Variants in CFAP54 observed in about 807,000 individuals in gnomAD.
CFAP54 encodes cilia and flagella associated protein 54.
In CFAP54, 290 loss-of-function variants were observed where a neutral mutation model predicts 370.4. That is an observed-to-expected ratio of 0.78 (90% CI 0.71 to 0.86). The LOEUF is 0.86. Among genes scored for constraint, CFAP54 ranks in the 40% least tolerant of loss-of-function variants. The probability of loss-of-function intolerance (pLI) is 0.00; values close to 1 mark genes in which losing one functional copy is unlikely to be tolerated. For missense variants in CFAP54, 3,399 were observed against 3,528.7 expected (o/e 0.96, Z 0.93); for synonymous variants, 1,206 against 1,236.5 (o/e 0.98, Z 0.52).
chr12:96,811,862 C>T lies in CFAP54; in HGVS notation c.8957+20C>T. 2 of 1,337,324 alleles carry T rather than the reference C, an allele frequency of 1.5e-6. No homozygotes were observed. The highest frequency in any genetic ancestry group is 2.7e-5 in the South Asian group (2 of 73,342). 82.8% of individuals were successfully genotyped at this position (1,337,324 alleles called of 1,614,324 possible). On this transcript the variant is annotated intron_variant, in intron 64 of 67. Coordinates refer to ENST00000524981, the MANE Select transcript of CFAP54 (RefSeq NM_001306084.2). ...GAATAGGCAAGTAAAAATTCCACAA[C>T]TCGAATTGTCTTTGTTGTTATCTCT...
Position 96,598,916 on chromosome 12 carries a change from T to C in CFAP54, c.3639+149T>C, listed in dbSNP as rs548652662. On this transcript the variant is annotated intron_variant, in intron 26 of 67. Transcript: ENST00000524981. ...AAGCAAATGTAGAGGCCAAACATTATAGAATAGCAATCTGTTGTTGAACTT... is the reference window on the plus strand; with the variant it reads ...AAGCAAATGTAGAGGCCAAACATTACAGAATAGCAATCTGTTGTTGAACTT... 28 of 395,842 alleles carry C rather than the reference T, an allele frequency of 7.1e-5. No individual in the cohort carries two copies. The Admixed American group carries it at 1.2e-3, about 17-fold the overall frequency. The allele number at this position is 395,842 out of a possible 1,614,324, so 24.5% of individuals were successfully genotyped here. A position where few individuals can be genotyped will look rare whatever the true frequency, so the allele number is the denominator to read the frequency against.
At chr12:96,648,580 CTTTTTTTTTTTTTTTT>C (rs11303164) in intron 34 of CFAP54, among the ~76,000 whole-genome samples, 5 of 58,666 alleles carry the variant, frequency 8.5e-5, no homozygotes, top group East Asian at 6.6e-4. Flanking sequence ...AAACAGGGTT[CTTTTTTTTTTTTTTTT>C]TTTTTTTTTT....
chr12:96,657,388 T>C (rs927638876), intron 36 of CFAP54, among the ~76,000 whole-genome samples: 6 of 152,194 alleles, frequency 3.9e-5, no homozygotes, highest in African/African-American at 1.4e-4. Context: ...ACCAACGTAT[T>C]AGGGAACTTC....
chr12:96,512,077 T>C (rs1016489604), intron 4 of CFAP54, among the ~76,000 whole-genome samples: 3 of 151,902 alleles, frequency 2.0e-5, no homozygotes, highest in African/African-American at 4.8e-5. Flanking sequence ...GTGTTGGAAA[T>C]GCTATTTTTT....
chr12:96,832,269 TG>T (rs1392945711), intron 66 of CFAP54, among the ~76,000 whole-genome samples: 8 of 86,172 alleles, frequency 9.3e-5, no homozygotes, highest in African/African-American at 2.0e-4. Context: ...CTTTTTCTTT[TG>T]TAAAAAAAAA....
intron 17 of CFAP54, among the ~76,000 whole-genome samples, chr12:96,559,514 C>A (rs936274439): frequency 2.0e-5 from 3 of 152,116 alleles, no homozygotes; most frequent in Non-Finnish European, 2.9e-5. Context: ...ATCCACATAA[C>A]CTTCACCTAA....
intron 65 of CFAP54, among the ~76,000 whole-genome samples, chr12:96,823,484 CAT>C (rs1332165106): frequency 6.6e-6 from 1 of 152,140 alleles, no homozygotes; most frequent in African/African-American, 2.4e-5. Context: ...GATATGAAGT[CAT>C]GGAACTGAAT....
At chr12:96,502,579 G>A (rs936354990) in intron 2 of CFAP54, among the ~76,000 whole-genome samples, 11 of 152,058 alleles carry the variant, frequency 7.2e-5, no homozygotes, top group African/African-American at 2.7e-4. Flanking sequence ...GGATTAGTGA[G>A]CAAAAACAAA....
chr12:96,616,661 G>C (rs926943828), intron 26 of CFAP54, among the ~76,000 whole-genome samples: 10 of 152,180 alleles, frequency 6.6e-5, no homozygotes, highest in African/African-American at 2.4e-4. Context: ...ACTCCAGGGA[G>C]TAATCAGTTA....
intron 26 of CFAP54, among the ~76,000 whole-genome samples, chr12:96,609,029 C>G (rs1161420698): frequency 6.6e-6 from 1 of 152,082 alleles, no homozygotes; most frequent in Non-Finnish European, 1.5e-5. Flanking sequence ...AAGAAACAGT[C>G]CTAAAACACG....
chr12:96,735,251 T>G (rs965455170), intron 50 of CFAP54, among the ~76,000 whole-genome samples: 1 of 152,202 alleles, frequency 6.6e-6, no homozygotes. Context: ...GGGAAAACTT[T>G]TTTTCAAATG....
At chr12:96,739,055 C>G (rs1018202912) in intron 50 of CFAP54, among the ~76,000 whole-genome samples, 1 of 152,070 alleles carries the variant, frequency 6.6e-6, no homozygotes, top group Non-Finnish European at 1.5e-5. Flanking sequence ...CTCAACATAC[C>G]TTTTGGGGAG....
intron 45 of CFAP54, among the ~76,000 whole-genome samples, chr12:96,694,780 T>C (rs973981517): frequency 2.0e-5 from 3 of 151,788 alleles, no homozygotes; most frequent in African/African-American, 7.3e-5. Context: ...TCCCAGCACT[T>C]TGGGAGGCCG....
intron 43 of CFAP54, among the ~76,000 whole-genome samples, chr12:96,689,535 A>T (rs183384171): frequency 1.3e-5 from 2 of 152,248 alleles, no homozygotes; most frequent in East Asian, 3.9e-4. Context: ...GGGGAAACTG[A>T]GTCTCCTGTC....
At chr12:96,779,461 A>G (rs905386352) in intron 60 of CFAP54, among the ~76,000 whole-genome samples, 1 of 151,948 alleles carries the variant, frequency 6.6e-6, no homozygotes, top group South Asian at 2.1e-4. Flanking sequence ...CTATGAATAT[A>G]TTTGTATGTG....
chr12:96,581,710 A>G (rs543341719), intron 22 of CFAP54, among the ~76,000 whole-genome samples: 2 of 152,060 alleles, frequency 1.3e-5, no homozygotes, highest in African/African-American at 4.8e-5. Flanking sequence ...ACACGTGTAT[A>G]TGAATTTATG....
At chr12:96,637,425 G>A (rs541787495) in intron 32 of CFAP54, among the ~76,000 whole-genome samples, 2 of 152,180 alleles carry the variant, frequency 1.3e-5, no homozygotes, top group African/African-American at 4.8e-5. Flanking sequence ...TTCTTTTGGC[G>A]AATTTAGTTG....
intron 19 of CFAP54, among the ~76,000 whole-genome samples, chr12:96,575,841 T>C (rs770073505): frequency 8.5e-5 from 13 of 152,120 alleles, no homozygotes; most frequent in Non-Finnish European, 1.6e-4. Context: ...GACTATTCTT[T>C]CTTTATCAAC....
At chr12:96,668,780 T>C (rs1957110073) in intron 39 of CFAP54, among the ~76,000 whole-genome samples, 1 of 152,246 alleles carries the variant, frequency 6.6e-6, no homozygotes, top group Non-Finnish European at 1.5e-5. Context: ...GTTTCTGGTA[T>C]CAAAAAGCCA....
Sources: gnomAD v4.1 joint callset for allele counts (sites outside exome capture counted in the v4.1 genomes callset) on GRCh38, gnomAD v4.1.1 for gene constraint, MANE v1.5 for transcripts, NCBI Gene and HGNC (gene_info 2026-07-23, HGNC 2026-07-21) for gene names.